FAM25C: variants seen among roughly 807,000 people sequenced by gnomAD.
FAM25C encodes the protein protein FAM25C.
In FAM25C, 4 loss-of-function variants were observed where a neutral mutation model predicts 9.6. That is an observed-to-expected ratio of 0.42 (90% CI 0.20 to 0.95). The LOEUF (loss-of-function observed/expected upper bound fraction) is 0.95, where lower values mean the gene tolerates loss of function less well. Among genes scored for constraint, FAM25C ranks in the 40% least tolerant of loss-of-function variants. The pLI, the probability that FAM25C is intolerant of heterozygous loss-of-function variation, is 0.31. For synonymous variants in FAM25C, 23 were observed against 44.1 expected (o/e 0.52, Z 1.89); for missense variants, 38 against 110.4 (o/e 0.34, Z 2.94).
In FAM25C at chr10:47,997,119, AT is replaced by A. The variant is rs781968086; in HGVS notation, c.136+557del. Among the ~76,000 whole-genome samples the A allele has an allele frequency of 2.1e-5, 3 of 140,340 alleles. No individual in the cohort carries two copies. In the East Asian group the frequency reaches 6.4e-4, roughly 30 times the overall value. The allele number at this position is 140,340 out of a possible 152,430, so 92.1% of individuals were successfully genotyped here. On this transcript the variant is annotated intron_variant, in intron 2 of 2. Transcript: ENST00000617224. Reference sequence around the variant, plus strand: ...CAGGCGTGAGCCACCGCCCCCAGCAATTTTTTTGAGACCGAGTTTCGCTCTG... The same window carrying A: ...CAGGCGTGAGCCACCGCCCCCAGCAATTTTTTGAGACCGAGTTTCGCTCTG...
In FAM25C at chr10:47,996,820, A is replaced by ATTTTTTT. The variant is rs60497249; in HGVS notation, c.136+850_136+856dup. On this transcript the variant is annotated intron_variant, in intron 2 of 2. Coordinates refer to ENST00000617224, the MANE Select transcript of FAM25C (RefSeq NM_001137548.3). ...ATTTAACATAGAATTTTACATGTTA[A>ATTTTTTT]TTTTTTTTTTTTTTTTTTTTTTTTT... Among the ~76,000 whole-genome samples, 18 of 75,078 alleles carry ATTTTTTT rather than the reference A, an allele frequency of 2.4e-4. 1 individual carries two copies. The highest frequency in any genetic ancestry group is 3.1e-4 in the Non-Finnish European group (13 of 41,394). 49.3% of individuals were successfully genotyped at this position (75,078 alleles called of 152,430 possible).
chr10:47,999,724 G>A lies in FAM25C; in HGVS notation c.42C>T (p.Ala14=). The A allele has an allele frequency of 1.3e-6, 2 of 1,539,534 alleles. 1 individual carries two copies. The highest frequency in any genetic ancestry group is 1.8e-6 in the Non-Finnish European group (2 of 1,141,592). The change falls in exon 1 of 3, where the codon GCC becomes GCT. Residue 14 remains alanine, a synonymous_variant. Coordinates refer to ENST00000617224, the MANE Select transcript of FAM25C (RefSeq NM_001137548.3). Reference sequence around the variant, plus strand: ...CCTCGGTGGCCTTCTCGGTGCGGTGGGCCAGGCCCTCGGCAGCCAGCTTCC... The same window carrying A: ...CCTCGGTGGCCTTCTCGGTGCGGTGAGCCAGGCCCTCGGCAGCCAGCTTCC... ...GLGKLAAEGL[A]HRTEKATEGA... is the part of the protein sequence containing the mutation.
At chr10:47,996,820 ATTTTTTTTTTTT>A (rs60497249) in intron 2 of FAM25C, among the ~76,000 whole-genome samples, 12 of 75,034 alleles carry the variant, frequency 1.6e-4, no homozygotes, top group African/African-American at 7.2e-4. Flanking sequence ...TTACATGTTA[ATTTTTTTTTTTT>A]TTTTTTTTTT....
intron 1 of FAM25C, among the ~76,000 whole-genome samples, 189 bp from the exon 2 acceptor site, chr10:47,997,928 C>A (rs1463082048): frequency 6.8e-6 from 1 of 147,140 alleles, no homozygotes; most frequent in Non-Finnish European, 1.5e-5. Flanking sequence ...CCTATACATC[C>A]CTGGGCATCC....
chr10:47,996,753 T>G (rs1445448371), intron 2 of FAM25C, among the ~76,000 whole-genome samples: 1 of 144,082 alleles, frequency 6.9e-6, no homozygotes, highest in African/African-American at 2.6e-5. Flanking sequence ...TACACATGCT[T>G]TGTACATAGT....
chr10:47,998,043 C>T (rs1442612640), intron 1 of FAM25C, among the ~76,000 whole-genome samples: 11 of 151,290 alleles, frequency 7.3e-5, no homozygotes, highest in East Asian at 1.9e-4. Context: ...CCTTGGCTAC[C>T]GGGAGACGAG....
rs1452015851 is a variant in FAM25C at position 47,995,628 on chromosome 10, G to T, written c.137-117C>A. On this transcript the variant is annotated intron_variant, in intron 2 of 2. Coordinates refer to ENST00000617224, the MANE Select transcript of FAM25C (RefSeq NM_001137548.3). The stretch of plus-strand genomic sequence containing the variant: ...GATTAGTCTCTGGAGTGGCCCGATG[G>T]GACCAAGGGCAGCAGGATTACTGCA... 2.5e-5 allele frequency: 24 copies of T among 961,262 alleles called. No homozygotes were observed. The South Asian group carries it at 3.8e-4, about 15-fold the overall frequency. 59.5% of individuals were successfully genotyped at this position (961,262 alleles called of 1,614,324 possible).
intron 1 of FAM25C, among the ~76,000 whole-genome samples, chr10:47,998,298 G>A (rs1481757897): frequency 3.4e-5 from 5 of 148,872 alleles, no homozygotes; most frequent in Admixed American, 2.7e-4. Context: ...CTACTTCAGA[G>A]TTTTTTAAAG....
chr10:47,995,722 C>G (rs1432407258), intron 2 of FAM25C, among the ~76,000 whole-genome samples: 2 of 149,026 alleles, frequency 1.3e-5, no homozygotes, highest in Non-Finnish European at 3.0e-5. Context: ...TGAGACTGAG[C>G]ATCTACTCAT....
intron 2 of FAM25C, among the ~76,000 whole-genome samples, chr10:47,997,251 G>C (rs1555256607): frequency 1.4e-5 from 2 of 147,992 alleles, no homozygotes; most frequent in African/African-American, 5.0e-5. Flanking sequence ...TGGGACTATA[G>C]GCACCCACCA....
At chr10:47,998,195 G>A (rs1169226710) in intron 1 of FAM25C, among the ~76,000 whole-genome samples, 1 of 151,292 alleles carries the variant, frequency 6.6e-6, no homozygotes, top group Non-Finnish European at 1.5e-5. Context: ...CTCTCAGGAT[G>A]TGCTAGCGCC....
chr10:47,995,977 G>T (rs1322694705), intron 2 of FAM25C, among the ~76,000 whole-genome samples: 3 of 133,902 alleles, frequency 2.2e-5, no homozygotes, highest in African/African-American at 5.5e-5. Context: ...TAGTTCTGAA[G>T]ATTCTCCCCT....
At chr10:47,998,328 G>A (rs1308193624) in intron 1 of FAM25C, among the ~76,000 whole-genome samples, 2 of 145,764 alleles carry the variant, frequency 1.4e-5, no homozygotes, top group Admixed American at 6.8e-5. Flanking sequence ...TAGTGTGCTA[G>A]AACTGAAGGA....
At chr10:47,998,359 GTTCT>G (rs1473106153) in intron 1 of FAM25C, among the ~76,000 whole-genome samples, 1 of 143,472 alleles carries the variant, frequency 7.0e-6, no homozygotes, top group Non-Finnish European at 1.5e-5. Context: ...AGAAGAAATG[GTTCT>G]TATTCTAACT....
intron 1 of FAM25C, among the ~76,000 whole-genome samples, chr10:47,998,120 T>A (rs1427705464): frequency 6.6e-6 from 1 of 151,310 alleles, no homozygotes; most frequent in Non-Finnish European, 1.5e-5. Flanking sequence ...GGAATGGCAA[T>A]GAGCAGGCAG....
chr10:47,996,820 A>ATTTTTTTTT (rs60497249), intron 2 of FAM25C, among the ~76,000 whole-genome samples: 6 of 75,034 alleles, frequency 8.0e-5, no homozygotes, highest in African/African-American at 1.3e-4. Flanking sequence ...TTACATGTTA[A>ATTTTTTTTT]TTTTTTTTTT....
intron 1 of FAM25C, among the ~76,000 whole-genome samples, chr10:47,998,743 T>C (rs1842841605): frequency 7.0e-6 from 1 of 142,426 alleles, no homozygotes; most frequent in African/African-American, 2.6e-5. Context: ...ACACTCAGCT[T>C]TTCTCCCAAC....
intron 2 of FAM25C, among the ~76,000 whole-genome samples, chr10:47,996,028 C>A (rs1323816214): frequency 1.3e-5 from 2 of 149,666 alleles, no homozygotes; most frequent in Non-Finnish European, 3.0e-5. Flanking sequence ...ATTACTATGT[C>A]TAAATGTTTA....
At chr10:47,995,815 G>T (rs1360494175) in intron 2 of FAM25C, among the ~76,000 whole-genome samples, 2 of 147,912 alleles carry the variant, frequency 1.4e-5, no homozygotes, top group African/African-American at 5.0e-5. Context: ...TGTTATATTG[G>T]ATTATCATTT....
Sources: allele counts gnomAD v4.1 joint callset (sites outside exome capture counted in the v4.1 genomes callset), GRCh38; gene constraint gnomAD v4.1.1; transcripts MANE v1.5; gene names NCBI Gene and HGNC (gene_info 2026-07-23, HGNC 2026-07-21).